The following LAMA1 variants were observed in gnomAD, a reference collection of about 807,000 sequenced individuals.
LAMA1 encodes laminin subunit alpha 1, also known as laminin subunit alpha-1.
In LAMA1, 219 loss-of-function variants were observed where a neutral mutation model predicts 348.7. The ratio of observed to expected loss-of-function variants is 0.63; its 90% CI spans 0.56 to 0.70. LAMA1 has a LOEUF of 0.70. Ranked by LOEUF, LAMA1 falls within the 30% of genes least tolerant of loss-of-function variation. LAMA1 has a pLI of 0.00. For missense variants in LAMA1, 3,744 were observed against 3,888.0 expected (o/e 0.96, Z 0.99); for synonymous variants, 1,487 against 1,491.0 (o/e 1.00, Z 0.06).
Position 7,032,139 on chromosome 18 carries a change from A to C in LAMA1, c.2201T>G (p.Leu734Arg). 6.2e-7 allele frequency: 1 copy of C among 1,614,212 alleles called. No individual in the cohort carries two copies. Among genetic ancestry groups the C allele is most frequent in the Non-Finnish European group, 8.5e-7 (1 of 1,180,024 alleles). ...ACAGGGTTGACAAATTCCTCCAAAG[A>C]GTATTCCATCCACGCGGTAATAGCC... ...LSGYYRVDGI[L>R]FGGICQPCEC... is the part of the protein sequence containing the mutation. The change falls in exon 16 of 63, where the codon CTC (leucine) becomes CGC (arginine). Residue 734 changes from leucine (L) to arginine (R), a missense_variant. Leu to Arg is a moderately radical substitution (Grantham distance 102). Coordinates refer to ENST00000389658, the MANE Select transcript of LAMA1 (RefSeq NM_005559.4).
intron 3 of LAMA1, among the ~76,000 whole-genome samples, chr18:7,069,567 A>AACTGTGTGTATGGAGTCACAC (rs2058137584): frequency 6.6e-6 from 1 of 152,014 alleles, no homozygotes; most frequent in African/African-American, 2.4e-5. Flanking sequence ...CAGCACAGGG[A>AACTGTGTGTATGGAGTCACAC]AACTGGCACT....
intron 57 of LAMA1, chr18:6,955,036 G>C: frequency 2.5e-6 from 1 of 394,394 alleles, no homozygotes. Flanking sequence ...AGTGGAATGG[G>C]GTTGAAAGTC....
intron 3 of LAMA1, among the ~76,000 whole-genome samples, chr18:7,072,321 T>C (rs1415261886): frequency 6.6e-6 from 1 of 152,242 alleles, no homozygotes; most frequent in Non-Finnish European, 1.5e-5. Context: ...CTCATGTTTA[T>C]TAAATGTGAG....
chr18:7,009,170 T>C, intron 27 of LAMA1, 69 bp downstream of exon 27: 1 of 1,554,440 alleles, frequency 6.4e-7, no homozygotes, highest in Non-Finnish European at 8.8e-7. Context: ...GGAAGTGAAG[T>C]GAGTCAAATT....
At chr18:6,944,144 T>G (rs945400278) in intron 61 of LAMA1, among the ~76,000 whole-genome samples, 6 of 152,126 alleles carry the variant, frequency 3.9e-5, no homozygotes, top group Non-Finnish European at 5.9e-5. Context: ...GCCTCCCGCA[T>G]AGCTGGGATT....
intron 1 of LAMA1, among the ~76,000 whole-genome samples, chr18:7,116,367 G>T (rs1380580686): frequency 6.6e-6 from 1 of 152,160 alleles, no homozygotes; most frequent in Admixed American, 6.5e-5. Flanking sequence ...CTCCCCAAAG[G>T]CTCCTTTCTT....
chr18:7,042,935 G>A (rs1235973921), intron 8 of LAMA1: 2 of 373,946 alleles, frequency 5.3e-6, no homozygotes, highest in Non-Finnish European at 9.6e-6. Context: ...ACAGGCAAGA[G>A]ACAGCTGCTT....
intron 16 of LAMA1, 93 bp downstream of exon 16, chr18:7,031,973 G>A (rs2057971629): frequency 7.7e-6 from 7 of 905,722 alleles, no homozygotes; most frequent in East Asian, 5.0e-5. Flanking sequence ...GGGTTATTCC[G>A]TGGAGGAAGC....
intron 1 of LAMA1, among the ~76,000 whole-genome samples, chr18:7,085,017 GT>G (rs767537381): frequency 5.8e-4 from 88 of 151,436 alleles, no homozygotes; most frequent in Non-Finnish European, 2.7e-4. Context: ...GAAGTATGAG[GT>G]TTTTTTTCCA....
At position 7,080,277 on chromosome 18, in the gene LAMA1, C is replaced by G. The variant is rs757473839; in HGVS notation, c.232+10G>C. On this transcript the variant is annotated intron_variant, in intron 2 of 62. Coordinates refer to ENST00000389658, the MANE Select transcript of LAMA1 (RefSeq NM_005559.4). ...CATGGGAATTTCAGAAATAAAGGCG[C>G]GACACTTGCCTCTGGGGTTTGCGCT... 1.4e-5 allele frequency: 22 copies of G among 1,613,826 alleles called. 1 individual carries two copies. The Middle Eastern group carries it at 5.0e-4, about 37-fold the overall frequency.
Position 7,007,188 on chromosome 18 carries a change from C to A in LAMA1, c.4211G>T (p.Ser1404Ile), listed in dbSNP as rs147345095. ...RPLVAPCVPC[S>I]CNNHSDTCDP... ...ACAGGTGTCACTGTGGTTGTTGCAA[C>A]TGCAGGGAACACAAGGAGCAACCAG... is the stretch of plus-strand genomic sequence containing the variant. Residue 1404 changes from serine (S) to isoleucine (I), a missense_variant, in exon 29 of 63, where the codon AGT becomes ATT. Ser to Ile is a moderately radical substitution (Grantham distance 142, BLOSUM62 -2). Around this residue, in one of 3 missense-constraint regions of LAMA1, gnomAD observed 1,983 missense variants for 1,934.3 expected, o/e 1.03. Transcript: ENST00000389658. The A allele has an allele frequency of 5.5e-4, 883 of 1,614,040 alleles. 1 individual carries two copies. Among genetic ancestry groups the A allele is most frequent in the Non-Finnish European group, 7.2e-4 (846 of 1,180,032 alleles).
intron 1 of LAMA1, among the ~76,000 whole-genome samples, chr18:7,111,321 G>A (rs1333038345): frequency 1.3e-5 from 2 of 152,152 alleles, no homozygotes; most frequent in Non-Finnish European, 2.9e-5. Context: ...TGCTTACCTA[G>A]GCAAGAATGT....
chr18:7,016,760 G>T, intron 20 of LAMA1, 89 bp from the exon 21 acceptor site: 2 of 1,163,290 alleles, frequency 1.7e-6, no homozygotes, highest in Non-Finnish European at 2.4e-6. Flanking sequence ...CACACACAGG[G>T]TATTTCATAG....
At chr18:7,117,255 A>C (rs2058361002) in intron 1 of LAMA1, among the ~76,000 whole-genome samples, 1 of 150,358 alleles carries the variant, frequency 6.7e-6, no homozygotes, top group African/African-American at 2.4e-5. Flanking sequence ...GCGCCCGGCC[A>C]ACAGCCCCGC....
At chr18:6,953,418 A>C (rs1266415709) in intron 57 of LAMA1, among the ~76,000 whole-genome samples, 1 of 152,244 alleles carries the variant, frequency 6.6e-6, no homozygotes, top group Non-Finnish European at 1.5e-5. Flanking sequence ...CCTGTGCCTA[A>C]TTTATAAATT....
chr18:7,039,679 A>G (rs2058011711), intron 10 of LAMA1, among the ~76,000 whole-genome samples: 1 of 152,242 alleles, frequency 6.6e-6, no homozygotes, highest in Non-Finnish European at 1.5e-5. Flanking sequence ...GCTCTGTTCC[A>G]ATAAAACTTT....
In LAMA1 at chr18:6,993,726, T is replaced by A; in HGVS notation, c.4923A>T (p.Gln1641His). Residue 1641 changes from glutamine (Q) to histidine (H), a missense_variant, in exon 35 of 63, where the codon CAA (glutamine) becomes CAT (histidine). Physicochemically the swap from Gln to His is conservative, Grantham distance 24 (BLOSUM62 0). Around this residue, in one of 3 missense-constraint regions of LAMA1, gnomAD observed 1,983 missense variants for 1,934.3 expected, o/e 1.03. Coordinates refer to ENST00000389658, the MANE Select transcript of LAMA1 (RefSeq NM_005559.4). ...KKLTRMLAST[Q>H]KVNRATERIF... is the part of the protein sequence containing the mutation. ...TTCTCTCAGTTGCCCTATTCACCTTTTGGGTACTCGCTAACATCCTAGTGA... is the reference window on the plus strand; with the variant it reads ...TTCTCTCAGTTGCCCTATTCACCTTATGGGTACTCGCTAACATCCTAGTGA... 1 of 1,613,782 alleles carries A rather than the reference T, an allele frequency of 6.2e-7. No individual in the cohort carries two copies. Among genetic ancestry groups the A allele is most frequent in the Non-Finnish European group, 8.5e-7 (1 of 1,179,668 alleles).
chr18:7,007,687 G>A (rs930183898), intron 28 of LAMA1, among the ~76,000 whole-genome samples: 1 of 152,142 alleles, frequency 6.6e-6, no homozygotes, highest in Admixed American at 6.5e-5. Flanking sequence ...GAACCCCTAT[G>A]TTCATAGCGG....
chr18:6,967,700 C>T (rs1276155008), intron 48 of LAMA1, among the ~76,000 whole-genome samples: 1 of 152,104 alleles, frequency 6.6e-6, no homozygotes, highest in Non-Finnish European at 1.5e-5. Flanking sequence ...GTACCTTGTT[C>T]AAGGACACAC....
Sources: gnomAD v4.1 joint callset for allele counts (sites outside exome capture counted in the v4.1 genomes callset) on GRCh38, gnomAD v4.1.1 for gene constraint, gnomAD v4.1.1 regional missense constraint, MANE v1.5 for transcripts, NCBI Gene and HGNC (gene_info 2026-07-23, HGNC 2026-07-21) for gene names.